The following AP5Z1 variants were observed in gnomAD, a reference collection of about 807,000 sequenced individuals.
AP5Z1 encodes the protein adaptor related protein complex 5 subunit zeta 1.
A neutral mutation model predicts 83.0 loss-of-function variants in AP5Z1; 106 were observed. The ratio of observed to expected loss-of-function variants is 1.28; its 90% CI spans 1.09 to 1.50. The LOEUF (loss-of-function observed/expected upper bound fraction) is 1.50. Ranked by LOEUF, AP5Z1 falls within the 40% of genes most tolerant of loss-of-function variation. The pLI is 0.00. For synonymous variants in AP5Z1, 751 were observed against 514.1 expected, an observed-to-expected ratio of 1.46 and a Z score of -6.23; for missense variants, 1,565 against 1,094.2, an observed-to-expected ratio of 1.43 and a Z score of -6.07.
chr7:4,791,507 G>A lies in AP5Z1; in HGVS notation c.*122G>A, dbSNP rs768593845. ...TCCTGGGAGAGGAGGCAAGGCCCAC[G>A]GTGGGCTTGGCACCCTCACAGACAC... is the stretch of plus-strand genomic sequence containing the variant. On this transcript the variant is annotated 3_prime_UTR_variant, in exon 17 of 17. Coordinates refer to ENST00000649063, the MANE Select transcript of AP5Z1 (RefSeq NM_014855.3). The A allele has an allele frequency of 3.6e-5, 51 of 1,398,288 alleles. No homozygotes were observed. Among genetic ancestry groups the A allele is most frequent in the East Asian group, 1.0e-4 (4 of 39,726 alleles). 86.6% of individuals were successfully genotyped at this position (1,398,288 alleles called of 1,614,324 possible).
chr7:4,782,434 A>T (rs1781406815), intron 3 of AP5Z1, among the ~76,000 whole-genome samples: 1 of 152,048 alleles, frequency 6.6e-6, no homozygotes, highest in South Asian at 2.1e-4. Context: ...ATCTCTGCTC[A>T]TGGGTTGCCC....
intron 1 of AP5Z1, among the ~76,000 whole-genome samples, chr7:4,777,136 C>G (rs1435967264): frequency 6.6e-6 from 1 of 152,140 alleles, no homozygotes; most frequent in Admixed American, 6.5e-5. Context: ...AGCAGCTCAA[C>G]ATAGGCAACC....
intron 3 of AP5Z1, 80 bp downstream of exon 3, chr7:4,781,834 A>C: frequency 7.1e-7 from 1 of 1,417,602 alleles, no homozygotes; most frequent in Non-Finnish European, 9.3e-7. Flanking sequence ...CAGGGGCGCC[A>C]GAGCCGGCAG....
chr7:4,785,158 C>T lies in AP5Z1; in HGVS notation c.931+110C>T, dbSNP rs946613086. ...TGAGCTACTGCTCCACAGAGGGGGT[C>T]CCTGGGTAGCCGGTTTGGAGCAGGG... On this transcript the variant is annotated intron_variant, in intron 7 of 16. Transcript: ENST00000649063. 6 of 1,476,074 alleles carry T rather than the reference C, an allele frequency of 4.1e-6. No individual in the cohort carries two copies. The East Asian group carries it at 6.9e-5, about 17-fold the overall frequency. The allele number at this position is 1,476,074 out of a possible 1,614,324, so 91.4% of individuals were successfully genotyped here.
rs1781875560 is a variant in AP5Z1 at position 4,794,082 on chromosome 7, T to A, written c.*2697T>A. The A allele has an allele frequency of 6.6e-6, 1 of 152,670 alleles. No homozygotes were observed. The highest frequency in any genetic ancestry group is 2.4e-5 in the African/African-American group (1 of 41,464). The allele number at this position is 152,670 out of a possible 1,614,324, so 9.5% of individuals were successfully genotyped here. A position where few individuals can be genotyped will look rare whatever the true frequency, so the allele number is the denominator to read the frequency against. ...AGCACCTTGTGTCTAGCTCAGGGTT[T>A]GTGAATGCACCAATAGACACTCTGT... On this transcript the variant is annotated 3_prime_UTR_variant, in exon 17 of 17. Coordinates refer to ENST00000649063, the MANE Select transcript of AP5Z1 (RefSeq NM_014855.3).
At chr7:4,787,109 G>A (rs1393594168) in intron 10 of AP5Z1, among the ~76,000 whole-genome samples, 6 of 152,040 alleles carry the variant, frequency 3.9e-5, no homozygotes, top group African/African-American at 9.7e-5. Flanking sequence ...TTGCAGCCTC[G>A]CCTCGCTGTA....
At position 4,783,232 on chromosome 7, in the gene AP5Z1, G is replaced by A. The variant is rs1481575482; in HGVS notation, c.367-84G>A. ...GGGTCTCAGCGACCGACGCTTCTCA[G>A]GAGTGTCACACAGACTTCCGAAATG... On this transcript the variant is annotated intron_variant, in intron 3 of 16. Coordinates refer to ENST00000649063, the MANE Select transcript of AP5Z1 (RefSeq NM_014855.3). 2.0e-6 allele frequency: 3 copies of A among 1,477,014 alleles called. No individual in the cohort carries two copies. In the Admixed American group the frequency reaches 6.9e-5, roughly 34 times the overall value. The allele number at this position is 1,477,014 out of a possible 1,614,324, so 91.5% of individuals were successfully genotyped here. A position where few individuals can be genotyped will look rare whatever the true frequency, so the allele number is the denominator to read the frequency against.
At chr7:4,778,022 C>T (rs1356504611) in intron 1 of AP5Z1, among the ~76,000 whole-genome samples, 3 of 152,182 alleles carry the variant, frequency 2.0e-5, no homozygotes, top group South Asian at 2.1e-4. Context: ...ACTTTGAGAC[C>T]AGCCTGGACA....
chr7:4,785,240 A>G (rs572239428), intron 7 of AP5Z1, among the ~76,000 whole-genome samples, 175 bp from the exon 8 acceptor site: 1 of 152,210 alleles, frequency 6.6e-6, no homozygotes, highest in East Asian at 1.9e-4. Context: ...CCCAGCCCCC[A>G]GCCCGGCCCT....
chr7:4,790,170 G>A (rs997874266), intron 14 of AP5Z1: 53 of 1,527,358 alleles, frequency 3.5e-5, no homozygotes, highest in Non-Finnish European at 4.2e-5. Flanking sequence ...GTTAGCTCAG[G>A]TCCCTCTTCC....
In AP5Z1 at chr7:4,788,826, C is replaced by T. The variant is rs745949518; in HGVS notation, c.1596-14C>T. 16 of 1,593,396 alleles carry T rather than the reference C, an allele frequency of 1.0e-5. 1 individual carries two copies. The South Asian group carries it at 1.8e-4, about 18-fold the overall frequency. ...GGGGAGCGGGCAGCACTCACGGCCA[C>T]ACTGTGTCCTCAGGTTGGCGCCACT... On this transcript the variant is annotated splice_polypyrimidine_tract_variant and intron_variant, in intron 12 of 16. Transcript: ENST00000649063.
At position 4,788,205 on chromosome 7, in the gene AP5Z1, C is replaced by T. The variant is rs1290003103; in HGVS notation, c.1506C>T (p.Ala502=). 5 of 1,563,814 alleles carry T rather than the reference C, an allele frequency of 3.2e-6. No individual in the cohort carries two copies. Among genetic ancestry groups the T allele is most frequent in the South Asian group, 1.2e-5 (1 of 85,040 alleles). ...ERPLWDTSLR[A]PSCLEAFRDP... is the part of the protein sequence containing the mutation. ...CACTCTGGGACACCTCTCTCAGGGCCCCCAGCTGCCTGGAGGCCTTCCGGG... is the reference window on the plus strand; with the variant it reads ...CACTCTGGGACACCTCTCTCAGGGCTCCCAGCTGCCTGGAGGCCTTCCGGG... The change falls in exon 12 of 17, where the codon GCC becomes GCT. Residue 502 remains alanine, a synonymous_variant. Transcript: ENST00000649063.
intron 1 of AP5Z1, among the ~76,000 whole-genome samples, chr7:4,780,464 CA>C (rs1159761959): frequency 6.8e-6 from 1 of 147,840 alleles, no homozygotes; most frequent in Non-Finnish European, 1.5e-5. Context: ...ACTAAAAATG[CA>C]AAAATTAGCC....
chr7:4,787,141 G>A (rs1280735816), intron 10 of AP5Z1, among the ~76,000 whole-genome samples: 2 of 152,094 alleles, frequency 1.3e-5, no homozygotes, highest in African/African-American at 2.4e-5. Flanking sequence ...ACTGAGGTGG[G>A]GAATCCTCTT....
chr7:4,784,416 G>A (rs1272304621), intron 6 of AP5Z1, 45 bp downstream of exon 6: 5 of 1,478,392 alleles, frequency 3.4e-6, no homozygotes, highest in Non-Finnish European at 4.6e-6. Flanking sequence ...TGGGAGGTGG[G>A]CGCACTATGG....
chr7:4,785,972 TAAAC>T (rs746045233), intron 9 of AP5Z1, among the ~76,000 whole-genome samples: 27 of 152,132 alleles, frequency 1.8e-4, no homozygotes, highest in Non-Finnish European at 3.5e-4. Flanking sequence ...AATAGAGAAA[TAAAC>T]AGACTCTTTT....
At chr7:4,778,238 A>C (rs1201228620) in intron 1 of AP5Z1, among the ~76,000 whole-genome samples, 1 of 152,220 alleles carries the variant, frequency 6.6e-6, no homozygotes, top group Non-Finnish European at 1.5e-5. Context: ...AGAAAGCCAA[A>C]AAGATTTGGA....
At chr7:4,776,870 A>C (rs1324801711) in intron 1 of AP5Z1, among the ~76,000 whole-genome samples, 2 of 152,306 alleles carry the variant, frequency 1.3e-5, no homozygotes, top group East Asian at 3.9e-4. Flanking sequence ...GCAGTGAGCC[A>C]AGATCGCACC....
At chr7:4,783,616 C>T (rs956151272) in intron 4 of AP5Z1, 73 bp from the exon 5 acceptor site, 20 of 1,506,876 alleles carry the variant, frequency 1.3e-5, no homozygotes, top group South Asian at 7.4e-5. Flanking sequence ...TGAGAAAAGT[C>T]GGCCAGCATC....
Sources: gnomAD v4.1 joint callset for allele counts (sites outside exome capture counted in the v4.1 genomes callset) on GRCh38, gnomAD v4.1.1 for gene constraint, MANE v1.5 for transcripts, NCBI Gene and HGNC (gene_info 2026-07-23, HGNC 2026-07-21) for gene names.